RPS6KC1: variants seen among roughly 807,000 people sequenced by gnomAD.
RPS6KC1 encodes inactive ribosomal protein S6 kinase delta-1.
A neutral mutation model predicts 103.8 loss-of-function variants in RPS6KC1; 54 were observed. The ratio of observed to expected loss-of-function variants is 0.52; its 90% CI spans 0.42 to 0.65. The LOEUF (loss-of-function observed/expected upper bound fraction) is 0.65. RPS6KC1 is among the 30% of genes least tolerant of loss of function. The pLI is 0.00. For synonymous variants in RPS6KC1, 439 were observed against 438.7 expected (o/e 1.00, Z -0.01); for missense variants, 1,151 against 1,253.8 (o/e 0.92, Z 1.24).
chr1:213,285,274 G>C, the RPS6KC1 span, among the ~76,000 whole-genome samples: 1 of 152,084 alleles, frequency 6.6e-6, no homozygotes, highest in Non-Finnish European at 1.5e-5. Flanking sequence ...CCCATTCATG[G>C]GGGCTCTACC....
chr1:213,800,501 T>C, the RPS6KC1 span, among the ~76,000 whole-genome samples: 2 of 141,510 alleles, frequency 1.4e-5, no homozygotes, highest in Admixed American at 6.9e-5. Flanking sequence ...GTTGGACAAA[T>C]CTGGTCATGG....
the RPS6KC1 span, among the ~76,000 whole-genome samples, chr1:213,286,333 CTG>C: frequency 6.6e-6 from 1 of 152,158 alleles, no homozygotes; most frequent in Non-Finnish European, 1.5e-5. Flanking sequence ...GGAGCAATAA[CTG>C]TGGTGCAGGA....
chr1:213,257,130 G>A (rs891973271), intron 12 of RPS6KC1, among the ~76,000 whole-genome samples: 1 of 152,078 alleles, frequency 6.6e-6, no homozygotes, highest in Non-Finnish European at 1.5e-5. Context: ...TGCTTATCTT[G>A]TGGCTTCAAG....
At chr1:213,084,678 G>A (rs1465899349) in intron 3 of RPS6KC1, among the ~76,000 whole-genome samples, 3 of 151,966 alleles carry the variant, frequency 2.0e-5, no homozygotes, top group Non-Finnish European at 4.4e-5. Context: ...TTCTAGGATT[G>A]GTATTTTATT....
chr1:213,067,642 A>G (rs1263886693), intron 1 of RPS6KC1, among the ~76,000 whole-genome samples: 1 of 152,060 alleles, frequency 6.6e-6, no homozygotes. Context: ...TTTGGGAAAT[A>G]CACCCTCCTT....
chr1:213,299,846 C>G, the RPS6KC1 span, among the ~76,000 whole-genome samples: 1 of 151,976 alleles, frequency 6.6e-6, no homozygotes, highest in Non-Finnish European at 1.5e-5. Flanking sequence ...GTTCTGTCGC[C>G]CAGGCTGGAG....
At chr1:213,530,056 A>G in the RPS6KC1 span, among the ~76,000 whole-genome samples, 2 of 75,458 alleles carry the variant, frequency 2.7e-5, no homozygotes, top group Non-Finnish European at 7.0e-5. Flanking sequence ...TATTATTATT[A>G]TTATTATTAT....
At chr1:213,059,660 T>C (rs2077645217) in intron 1 of RPS6KC1, among the ~76,000 whole-genome samples, 1 of 151,972 alleles carries the variant, frequency 6.6e-6, no homozygotes, top group African/African-American at 2.4e-5. Flanking sequence ...ATTACAGGCA[T>C]GTGCTACCAC....
chr1:213,660,471 C>T, the RPS6KC1 span, among the ~76,000 whole-genome samples: 1 of 152,190 alleles, frequency 6.6e-6, no homozygotes, highest in Non-Finnish European at 1.5e-5. Flanking sequence ...AAAACAAGCC[C>T]CAATTAGAAA....
At chr1:213,543,931 A>G in the RPS6KC1 span, among the ~76,000 whole-genome samples, 1 of 152,162 alleles carries the variant, frequency 6.6e-6, no homozygotes, top group Non-Finnish European at 1.5e-5. Flanking sequence ...GCAGCACTAG[A>G]ATGATTAATG....
chr1:213,310,908 C>T, the RPS6KC1 span, among the ~76,000 whole-genome samples: 123 of 152,276 alleles, frequency 8.1e-4, 2 homozygotes, highest in Middle Eastern at 3.4e-3. Context: ...CCATCCTGTG[C>T]TCCGTTCCTG....
At chr1:213,842,399 C>T in the RPS6KC1 span, among the ~76,000 whole-genome samples, 1 of 152,188 alleles carries the variant, frequency 6.6e-6, no homozygotes. Flanking sequence ...ATTTGTGCCC[C>T]TTTCACTGGC....
At chr1:213,393,323 T>C in the RPS6KC1 span, among the ~76,000 whole-genome samples, 1 of 152,222 alleles carries the variant, frequency 6.6e-6, no homozygotes, top group African/African-American at 2.4e-5. Context: ...TTGGAGGTAT[T>C]GGTGCTGCCA....
chr1:213,731,809 C>T, the RPS6KC1 span, among the ~76,000 whole-genome samples: 3 of 152,056 alleles, frequency 2.0e-5, no homozygotes, highest in East Asian at 5.8e-4. Flanking sequence ...TGGAAATAGC[C>T]TAAAATGTCC....
At chr1:213,666,383 G>A in the RPS6KC1 span, among the ~76,000 whole-genome samples, 9 of 152,160 alleles carry the variant, frequency 5.9e-5, no homozygotes, top group Admixed American at 5.2e-4. Flanking sequence ...CCTGGCAGCA[G>A]CAGTCCATCA....
chr1:213,285,557 A>G, the RPS6KC1 span, among the ~76,000 whole-genome samples: 2 of 152,214 alleles, frequency 1.3e-5, no homozygotes, highest in African/African-American at 2.4e-5. Context: ...TGTAATGGCT[A>G]TATGCTCTGA....
chr1:213,812,283 T>C, the RPS6KC1 span, among the ~76,000 whole-genome samples: 1 of 152,300 alleles, frequency 6.6e-6, no homozygotes, highest in Admixed American at 6.5e-5. Context: ...CAAGATTCCA[T>C]GTCCTCTTTT....
the RPS6KC1 span, among the ~76,000 whole-genome samples, chr1:213,566,349 T>C: frequency 6.6e-6 from 1 of 151,576 alleles, no homozygotes. Context: ...TTCTGAACTT[T>C]CACTGACATG....
the RPS6KC1 span, among the ~76,000 whole-genome samples, chr1:213,488,269 T>C: frequency 6.6e-6 from 1 of 152,196 alleles, no homozygotes; most frequent in African/African-American, 2.4e-5. Flanking sequence ...AACAACACAA[T>C]GTAGCTGAAC....
Sources: allele counts gnomAD v4.1 joint callset (sites outside exome capture counted in the v4.1 genomes callset), GRCh38; gene constraint gnomAD v4.1.1; transcripts MANE v1.5; gene names NCBI Gene and HGNC (gene_info 2026-07-23, HGNC 2026-07-21).